The following LONRF3 variants were observed in gnomAD, a reference collection of about 807,000 sequenced individuals.
LONRF3 encodes the protein LON peptidase N-terminal domain and ring finger 3, also known as LON peptidase N-terminal domain and RING finger protein 3.
Under a neutral mutation model 51.7 loss-of-function variants are expected in LONRF3, and 19 were observed. The observed-to-expected ratio is 0.37, with a 90% CI of 0.26 to 0.54. LONRF3 has a LOEUF of 0.54. Among genes scored for constraint, LONRF3 ranks in the 20% least tolerant of loss-of-function variants. LONRF3 has a pLI of 0.86. For synonymous variants in LONRF3, 265 were observed against 257.8 expected, an observed-to-expected ratio of 1.03 and a Z score of -0.27; for missense variants, 521 against 623.9, an observed-to-expected ratio of 0.84 and a Z score of 1.76.
At chrX:118,990,861 T>A (rs745796254) in intron 5 of LONRF3, among the ~76,000 whole-genome samples, 1 of 111,137 alleles carries the variant, frequency 9.0e-6, no homozygotes, top group Non-Finnish European at 1.9e-5. Context: ...CTTTTTTTTT[T>A]ATGTCTTTTT....
At position 118,982,927 on chromosome X, in the gene LONRF3, G is replaced by T; in HGVS notation, c.1043G>T (p.Arg348Ile). 8.3e-7 allele frequency: 1 copy of T among 1,210,511 alleles called. No homozygotes were observed. The highest frequency in any genetic ancestry group is 1.8e-5 in the South Asian group (1 of 56,859). ...VSLDGKNKRA[R>I]CEAQRDNLEL... ...CTTGATGGAAAGAACAAGAGAGCAA[G>T]ATGTGAAGCCCAAAGAGTGAGTTGA... Residue 348 changes from arginine (R) to isoleucine (I), a missense_variant, in exon 3 of 11, where the codon AGA becomes ATA. Physicochemically the swap from Arg to Ile is moderately conservative, Grantham distance 97. Transcript: ENST00000371628.
At chrX:118,987,445 G>GTTT (rs369180848) in intron 3 of LONRF3, among the ~76,000 whole-genome samples, 1,254 of 32,274 alleles carry the variant, frequency 0.039, 242 homozygotes, top group Non-Finnish European at 0.047. Context: ...GCCTGGCTAA[G>GTTT]TTTTTTTTTT....
In LONRF3 at chrX:118,974,902, T is replaced by C; in HGVS notation, c.122T>C (p.Val41Ala). 1 of 1,195,093 alleles carries C rather than the reference T, an allele frequency of 8.4e-7. No homozygotes were observed. Among genetic ancestry groups the C allele is most frequent in the Non-Finnish European group, 1.1e-6 (1 of 887,475 alleles). ...AQVDMGPHPK[V>A]AAEGPAPLPT... Reference sequence around the variant, plus strand: ...GTAGACATGGGCCCCCACCCAAAGGTGGCTGCAGAGGGCCCCGCACCTCTA... The same window carrying C: ...GTAGACATGGGCCCCCACCCAAAGGCGGCTGCAGAGGGCCCCGCACCTCTA... The change falls in exon 1 of 11, where the codon GTG becomes GCG. Residue 41 changes from valine to alanine, a missense_variant. Physicochemically the swap from Val to Ala is moderately conservative, Grantham distance 64. Around this residue, in one of 2 missense-constraint regions of LONRF3, gnomAD observed 376 missense variants for 376.7 expected, o/e 1.00. Coordinates refer to ENST00000371628, the MANE Select transcript of LONRF3 (RefSeq NM_001031855.3).
chrX:118,979,145 C>T (rs759828670), intron 2 of LONRF3, among the ~76,000 whole-genome samples: 9 of 108,348 alleles, frequency 8.3e-5, no homozygotes, highest in South Asian at 8.2e-4. Flanking sequence ...GGACTACAGG[C>T]GCCCGCCACC....
At chrX:118,987,093 T>C in intron 3 of LONRF3, 1 of 1,143,083 alleles carries the variant, frequency 8.7e-7, no homozygotes, top group Non-Finnish European at 1.2e-6. Flanking sequence ...AAAACTCAAC[T>C]CACCCAGCTC....
intron 8 of LONRF3, among the ~76,000 whole-genome samples, chrX:119,012,569 A>G (rs1164564255): frequency 9.0e-6 from 1 of 111,018 alleles, no homozygotes; most frequent in African/African-American, 3.3e-5. Context: ...CCTTTATCAT[A>G]ACATAGTGGA....
At position 118,974,851 on chromosome X, in the gene LONRF3, C is replaced by A. The variant is rs959992705; in HGVS notation, c.71C>A (p.Ala24Glu). The A allele has an allele frequency of 1.7e-6, 2 of 1,206,292 alleles. No homozygotes were observed. The highest frequency in any genetic ancestry group is 4.4e-5 in the Admixed American group (2 of 45,636). Residue 24 changes from alanine (A) to glutamate (E), a missense_variant, in exon 1 of 11, where the codon GCG (alanine) becomes GAG (glutamate). By Grantham distance (107) the Ala-to-Glu change is moderately radical. Around this residue, in one of 2 missense-constraint regions of LONRF3, gnomAD observed 376 missense variants for 376.7 expected, o/e 1.00. Coordinates refer to ENST00000371628, the MANE Select transcript of LONRF3 (RefSeq NM_001031855.3). Reference protein sequence around the residue: ...AEVSSDNLESAERGASAAQVD... With the variant: ...AEVSSDNLESEERGASAAQVD... ...GTCAGCAGCGACAACTTGGAGTCGG[C>A]GGAGCGAGGGGCATCAGCGGCCCAA...
intron 3 of LONRF3, 125 bp from the exon 4 acceptor site, chrX:118,989,283 T>G: frequency 1.3e-6 from 1 of 767,927 alleles, no homozygotes; most frequent in Non-Finnish European, 1.9e-6. Context: ...TTGAGCTCTG[T>G]GTCCACTATG....
At chrX:119,010,204 G>A (rs1286062411) in intron 7 of LONRF3, among the ~76,000 whole-genome samples, 1 of 111,934 alleles carries the variant, frequency 8.9e-6, no homozygotes, top group African/African-American at 3.3e-5. Flanking sequence ...GGGAGGGGCA[G>A]AGGCGTCATT....
intron 7 of LONRF3, among the ~76,000 whole-genome samples, chrX:119,010,508 A>G (rs1186795038): frequency 1.8e-5 from 2 of 110,565 alleles, no homozygotes; most frequent in Non-Finnish European, 3.8e-5. Flanking sequence ...ATTAATTTAC[A>G]TTGGAACTAC....
intron 2 of LONRF3, among the ~76,000 whole-genome samples, chrX:118,982,494 T>C (rs1404803568): frequency 9.0e-6 from 1 of 111,574 alleles, no homozygotes; most frequent in Non-Finnish European, 1.9e-5. Context: ...CTACATTTGA[T>C]GGTCACTCCG....
chrX:118,987,283 G>GA (rs34889238), intron 3 of LONRF3, among the ~76,000 whole-genome samples: 1 of 108,258 alleles, frequency 9.2e-6, no homozygotes, highest in Non-Finnish European at 1.9e-5. Context: ...TCATTACATT[G>GA]AAAAAAAATT....
At chrX:118,986,799 C>G (rs1923001970) in intron 3 of LONRF3, 1 of 554,725 alleles carries the variant, frequency 1.8e-6, no homozygotes, top group Admixed American at 3.6e-5. Context: ...GTTAGGGACA[C>G]TGGTCCAAGG....
chrX:118,987,593 T>A (rs1923105514), intron 3 of LONRF3, among the ~76,000 whole-genome samples: 2 of 108,960 alleles, frequency 1.8e-5, no homozygotes, highest in Admixed American at 9.8e-5. Flanking sequence ...CTTGGTTAGA[T>A]CCAGCCGAGA....
At chrX:119,000,887 C>T (rs1182259569) in intron 5 of LONRF3, among the ~76,000 whole-genome samples, 1 of 105,715 alleles carries the variant, frequency 9.5e-6, no homozygotes, top group Non-Finnish European at 1.9e-5. Flanking sequence ...ATTTCTCCCT[C>T]TCCTTCTCCC....
chrX:118,979,579 C>T (rs754286046), intron 2 of LONRF3, among the ~76,000 whole-genome samples: 3 of 112,084 alleles, frequency 2.7e-5, no homozygotes, highest in Non-Finnish European at 5.6e-5. Context: ...TGTGAGCCAC[C>T]GTGTCCAGCC....
chrX:119,009,270 T>A, intron 7 of LONRF3, 23 bp downstream of exon 7: 1 of 1,183,923 alleles, frequency 8.4e-7, no homozygotes, highest in East Asian at 3.0e-5. Flanking sequence ...ATATTTCTGT[T>A]TTGTTTCACT....
chrX:118,989,327 C>T lies in LONRF3; in HGVS notation c.1060-81C>T, dbSNP rs970825865. 29 of 1,093,132 alleles carry T rather than the reference C, an allele frequency of 2.7e-5. No homozygotes were observed. In the South Asian group the frequency reaches 3.4e-4, roughly 13 times the overall value. 90.1% of individuals were successfully genotyped at this position (1,093,132 alleles called of 1,213,427 possible). ...GTGGGGATCAGGACTCTATAGTTTCCCTTTGTTCCTCTGGGTAGGAATATG... is the reference window on the plus strand; with the variant it reads ...GTGGGGATCAGGACTCTATAGTTTCTCTTTGTTCCTCTGGGTAGGAATATG... On this transcript the variant is annotated intron_variant, in intron 3 of 10. Transcript: ENST00000371628.
chrX:118,985,607 C>T (rs901969309), intron 3 of LONRF3, among the ~76,000 whole-genome samples: 9 of 112,165 alleles, frequency 8.0e-5, no homozygotes, highest in Admixed American at 6.6e-4. Flanking sequence ...GTTATGTGCC[C>T]TCTAGAAGCT....
Sources: gnomAD v4.1 joint callset for allele counts (sites outside exome capture counted in the v4.1 genomes callset) on GRCh38, gnomAD v4.1.1 for gene constraint, gnomAD v4.1.1 regional missense constraint, MANE v1.5 for transcripts, NCBI Gene and HGNC (gene_info 2026-07-23, HGNC 2026-07-21) for gene names.